GAS7: variants seen among roughly 807,000 people sequenced by gnomAD.
The protein encoded by GAS7 is growth arrest-specific protein 7.
In GAS7, 28 loss-of-function variants were observed where a neutral mutation model predicts 71.1. The observed-to-expected ratio is 0.39, with a 90% confidence interval of 0.29 to 0.54. GAS7 has a LOEUF of 0.54. Among genes scored for constraint, GAS7 ranks in the 20% least tolerant of loss-of-function variants. The probability of loss-of-function intolerance (pLI) is 0.62; values close to 1 mark genes in which losing one functional copy is unlikely to be tolerated. For missense variants in GAS7, 436 were observed against 627.8 expected, an observed-to-expected ratio of 0.69 and a Z score of 3.27; for synonymous variants, 258 against 245.8, an observed-to-expected ratio of 1.05 and a Z score of -0.46.
rs2067447223 is a variant in GAS7 at position 9,911,884 on chromosome 17, GT to G, written c.*5343del. On this transcript the variant is annotated 3_prime_UTR_variant, in exon 14 of 14. Transcript: ENST00000432992. This position sits in a 1 kb window ranked among gnomAD's most constrained non-coding sequence, Gnocchi z 4.0. ...TGAACAAGACACAGCTTAGTGGAGT[GT>G]TTACCTCAGGGGTCACACTCAGCCT... The G allele has an allele frequency of 1.3e-5, 3 of 231,654 alleles. No individual in the cohort carries two copies. Among genetic ancestry groups the G allele is most frequent in the African/African-American group, 6.6e-5 (3 of 45,244 alleles). 14.3% of individuals were successfully genotyped at this position (231,654 alleles called of 1,614,324 possible). A position where few individuals can be genotyped will look rare whatever the true frequency, so the allele number is the denominator to read the frequency against.
At chr17:10,197,435 C>T (rs1016723688) in intron 1 of GAS7, among the ~76,000 whole-genome samples, 1 of 152,166 alleles carries the variant, frequency 6.6e-6, no homozygotes, top group African/African-American at 2.4e-5. Flanking sequence ...TTAGAAACTT[C>T]GGGTCTCACT....
intron 2 of GAS7, among the ~76,000 whole-genome samples, chr17:10,012,964 G>A (rs985360126): frequency 4.6e-5 from 7 of 152,126 alleles, no homozygotes; most frequent in South Asian, 2.1e-4. Context: ...TTAGCCGGGC[G>A]TGGTGGCGGG....
At chr17:10,097,294 A>G (rs1270437367) in intron 1 of GAS7, among the ~76,000 whole-genome samples, 1 of 152,236 alleles carries the variant, frequency 6.6e-6, no homozygotes, top group African/African-American at 2.4e-5. Flanking sequence ...ACATCTCTGC[A>G]TTAACCCAGA....
intron 2 of GAS7, among the ~76,000 whole-genome samples, chr17:9,995,196 T>C (rs9913745): frequency 6.6e-6 from 1 of 152,176 alleles, no homozygotes; most frequent in Non-Finnish European, 1.5e-5. Flanking sequence ...ACCAGATGTA[T>C]TCTGAGGGTT....
chr17:9,915,464 C>A lies in GAS7; in HGVS notation c.*1764G>T. 1 of 229,930 alleles carries A rather than the reference C, an allele frequency of 4.3e-6. No individual in the cohort carries two copies. Among genetic ancestry groups the A allele is most frequent in the Non-Finnish European group, 8.6e-6 (1 of 115,790 alleles). 14.2% of individuals were successfully genotyped at this position (229,930 alleles called of 1,614,324 possible). ...TCTCCATCCCATGGACAGATCCTAC[C>A]AGGAGGTCTTCACGTAGGTGAAGGC... On this transcript the variant is annotated 3_prime_UTR_variant, in exon 14 of 14. Coordinates refer to ENST00000432992, the MANE Select transcript of GAS7 (RefSeq NM_201433.2).
chr17:10,007,108 A>G (rs941317333), intron 2 of GAS7, among the ~76,000 whole-genome samples: 1 of 152,228 alleles, frequency 6.6e-6, no homozygotes, highest in Non-Finnish European at 1.5e-5. Flanking sequence ...CCACCATTTT[A>G]TTATTACACA....
At chr17:10,071,500 C>T (rs1003458510) in intron 1 of GAS7, among the ~76,000 whole-genome samples, 4 of 152,106 alleles carry the variant, frequency 2.6e-5, no homozygotes, top group Admixed American at 1.3e-4. Context: ...CGCAGACAGC[C>T]GAGGGCTCAC....
chr17:10,088,421 C>T (rs1039817314), intron 1 of GAS7, among the ~76,000 whole-genome samples: 9 of 151,946 alleles, frequency 5.9e-5, no homozygotes, highest in African/African-American at 1.5e-4. Flanking sequence ...CACTCCAATA[C>T]TCTGAGCCTC....
At chr17:10,126,465 T>A (rs1463660165) in intron 1 of GAS7, among the ~76,000 whole-genome samples, 1 of 147,340 alleles carries the variant, frequency 6.8e-6, no homozygotes, top group African/African-American at 2.5e-5. Flanking sequence ...CACGCACTCA[T>A]GCACACACGC....
chr17:10,148,728 G>C (rs1301149034), intron 1 of GAS7, among the ~76,000 whole-genome samples: 2 of 151,610 alleles, frequency 1.3e-5, no homozygotes, highest in Non-Finnish European at 2.9e-5. Flanking sequence ...TGGCTAACAC[G>C]GTGAAACCCC....
At chr17:10,061,966 T>C (rs1404782097) in intron 1 of GAS7, among the ~76,000 whole-genome samples, 3 of 152,044 alleles carry the variant, frequency 2.0e-5, no homozygotes, top group African/African-American at 7.2e-5. Context: ...CACTCAACAA[T>C]GCACAGGACC....
At chr17:9,938,470 C>CAAAAAAAA (rs34813185) in intron 8 of GAS7, among the ~76,000 whole-genome samples, 1 of 65,176 alleles carries the variant, frequency 1.5e-5, no homozygotes, top group Non-Finnish European at 2.8e-5. Flanking sequence ...GACTCTGTCT[C>CAAAAAAAA]AAAAAAAAAA....
intron 1 of GAS7, among the ~76,000 whole-genome samples, chr17:10,108,163 C>A (rs968360121): frequency 6.6e-6 from 1 of 152,230 alleles, no homozygotes; most frequent in Admixed American, 6.5e-5. Flanking sequence ...GGCAGGAGAA[C>A]TGCAAGCACT....
chr17:10,140,675 T>C (rs1251754861), intron 1 of GAS7, among the ~76,000 whole-genome samples: 1 of 152,152 alleles, frequency 6.6e-6, no homozygotes, highest in Non-Finnish European at 1.5e-5. Flanking sequence ...TGCTTCTCCA[T>C]GCAAACCCTG....
rs189539726 is a variant in GAS7 at position 10,084,804 on chromosome 17, A to G, written c.184-64907T>C. On this transcript the variant is annotated intron_variant, in intron 1 of 13. Transcript: ENST00000432992. The stretch of plus-strand genomic sequence containing the variant: ...TCTTAATAGCAGCCCGCTCTTTTTT[A>G]AGGGGATTCTCTCTCCCCTGCTGGG... Among the ~76,000 whole-genome samples the G allele has an allele frequency of 7.9e-5, 12 of 152,100 alleles. No homozygotes were observed. The East Asian group carries it at 2.1e-3, about 27-fold the overall frequency.
At chr17:10,093,188 G>T (rs889774282) in intron 1 of GAS7, among the ~76,000 whole-genome samples, 1 of 152,172 alleles carries the variant, frequency 6.6e-6, no homozygotes, top group Non-Finnish European at 1.5e-5. Context: ...CCAACCCCTT[G>T]TCAAGCCCCC....
chr17:10,075,910 C>T (rs994423334), intron 1 of GAS7, among the ~76,000 whole-genome samples: 4 of 151,130 alleles, frequency 2.6e-5, no homozygotes, highest in Non-Finnish European at 4.4e-5. Flanking sequence ...ACCAACCCCT[C>T]GACCAACATG....
At chr17:9,975,680 G>T (rs1215147630) in intron 3 of GAS7, among the ~76,000 whole-genome samples, 1 of 152,030 alleles carries the variant, frequency 6.6e-6, no homozygotes, top group African/African-American at 2.4e-5. Context: ...GATAGTAAAG[G>T]GTCAGTGTTA....
At chr17:10,059,263 T>G (rs2073189802) in intron 1 of GAS7, among the ~76,000 whole-genome samples, 1 of 152,162 alleles carries the variant, frequency 6.6e-6, no homozygotes, top group Non-Finnish European at 1.5e-5. Flanking sequence ...GAGAACTCTA[T>G]TATGCTACTT....
Sources: allele counts gnomAD v4.1 joint callset (sites outside exome capture counted in the v4.1 genomes callset), GRCh38; gene constraint gnomAD v4.1.1; non-coding constraint Gnocchi (gnomAD v3.1); transcripts MANE v1.5; gene names NCBI Gene and HGNC (gene_info 2026-07-23, HGNC 2026-07-21).